The following UPRT variants were observed in gnomAD, a reference collection of about 807,000 sequenced individuals.
UPRT encodes the protein uracil phosphoribosyltransferase homolog.
In UPRT, 5 loss-of-function variants were observed where a neutral mutation model predicts 22.6. That is an observed-to-expected ratio of 0.22 (90% CI 0.12 to 0.47). UPRT has a LOEUF of 0.47. Among genes scored for constraint, UPRT ranks in the 20% least tolerant of loss-of-function variants. UPRT has a pLI of 0.99. For missense variants in UPRT, 181 were observed against 239.9 expected (o/e 0.75, Z 1.62); for synonymous variants, 77 against 87.7 (o/e 0.88, Z 0.68).
upstream of UPRT, among the ~76,000 whole-genome samples, chrX:75,272,271 G>T (rs1355113610): frequency 1.1e-5 from 1 of 87,645 alleles, no homozygotes; most frequent in Non-Finnish European, 2.2e-5. Context: ...GAAGCTGTGA[G>T]ATATATATAT....
At chrX:75,196,108 TACC>T (rs1395258249) in intron 4 of UPRT, among the ~76,000 whole-genome samples, 1 of 112,410 alleles carries the variant, frequency 8.9e-6, no homozygotes. Context: ...TGTAGAATAT[TACC>T]AGCTTAACAA....
In UPRT at chrX:75,160,721, G is replaced by A. The variant is rs989801410; in HGVS notation, c.-615+50G>A. Among the ~76,000 whole-genome samples the A allele has an allele frequency of 3.6e-5, 4 of 111,031 alleles. No individual in the cohort carries two copies. In the Admixed American group the frequency reaches 3.9e-4, roughly 11 times the overall value. On this transcript the variant is annotated intron_variant, in intron 2 of 13. Transcript: ENST00000652605. ...TATTTAAAAAATTTTTTAAAGATGG[G>A]GTTCGCTATGTTGCCCAGGCTGGTC...
intron 4 of UPRT, among the ~76,000 whole-genome samples, chrX:75,253,010 G>T (rs1332195060): frequency 9.0e-6 from 1 of 110,763 alleles, no homozygotes; most frequent in African/African-American, 3.3e-5. Flanking sequence ...CATGGACACA[G>T]GTAGGGGAAC....
intron 4 of UPRT, among the ~76,000 whole-genome samples, chrX:75,206,446 T>C (rs1439085203): frequency 9.0e-6 from 1 of 110,508 alleles, no homozygotes; most frequent in Non-Finnish European, 1.9e-5. Context: ...TTGGCAGCCA[T>C]GGTGGGAGAA....
intron 1 of UPRT, among the ~76,000 whole-genome samples, chrX:75,276,846 C>A (rs924645701): frequency 9.0e-6 from 1 of 111,532 alleles, no homozygotes; most frequent in Admixed American, 9.5e-5. Context: ...TGTCATCACC[C>A]CAGCAAGAAA....
At chrX:75,187,752 T>G (rs1030000961) in intron 4 of UPRT, among the ~76,000 whole-genome samples, 4 of 111,750 alleles carry the variant, frequency 3.6e-5, no homozygotes, top group Non-Finnish European at 7.5e-5. Context: ...AAACTTCCCT[T>G]CTTGCTTCAT....
In UPRT at chrX:75,177,140, C is replaced by T. The variant is rs369509329; in HGVS notation, c.-447+9261C>T. On this transcript the variant is annotated intron_variant, in intron 4 of 13. Transcript: ENST00000652605. ...TGGACCCTGCTGATCAGAATAGTTGCGCTCACCGACACAGCAGCAGAAACA... is the reference window on the plus strand; with the variant it reads ...TGGACCCTGCTGATCAGAATAGTTGTGCTCACCGACACAGCAGCAGAAACA... Among the ~76,000 whole-genome samples, 326 of 110,712 alleles carry T rather than the reference C, an allele frequency of 2.9e-3. 1 individual carries two copies. Among genetic ancestry groups the T allele is most frequent in the African/African-American group, 0.01 (309 of 30,331 alleles).
At chrX:75,257,581 C>G (rs1431315903) in intron 4 of UPRT, among the ~76,000 whole-genome samples, 6 of 111,680 alleles carry the variant, frequency 5.4e-5, no homozygotes, top group Admixed American at 1.9e-4. Context: ...GTTAAACTGT[C>G]ACTGTTGATG....
intron 4 of UPRT, among the ~76,000 whole-genome samples, chrX:75,185,540 T>C (rs2082286978): frequency 8.9e-6 from 1 of 112,260 alleles, no homozygotes; most frequent in Admixed American, 9.4e-5. Flanking sequence ...CCTCATAAAA[T>C]GAGTTAGGGA....
intron 4 of UPRT, among the ~76,000 whole-genome samples, chrX:75,265,973 A>G (rs1242881143): frequency 3.6e-5 from 4 of 111,509 alleles, no homozygotes; most frequent in Non-Finnish European, 7.5e-5. Flanking sequence ...TTCCATGCTC[A>G]TGGGTAGGAA....
chrX:75,179,501 C>T (rs946427594), intron 4 of UPRT, among the ~76,000 whole-genome samples: 70 of 113,561 alleles, frequency 6.2e-4, no homozygotes, highest in Admixed American at 9.2e-4. Context: ...GCCAGTCTCG[C>T]GCCATGCGCT....
intron 4 of UPRT, among the ~76,000 whole-genome samples, chrX:75,240,154 A>G (rs1434155618): frequency 1.8e-5 from 2 of 111,126 alleles, no homozygotes; most frequent in Non-Finnish European, 3.8e-5. Flanking sequence ...AGAAAATCAA[A>G]CTATTGCTGT....
intron 4 of UPRT, among the ~76,000 whole-genome samples, chrX:75,179,372 C>T (rs1242105602): frequency 8.9e-6 from 1 of 112,844 alleles, no homozygotes; most frequent in Non-Finnish European, 1.9e-5. Context: ...ACACAGGGTG[C>T]TGATTGGTGT....
chrX:75,272,574 G>T (rs1432922656), upstream of UPRT, among the ~76,000 whole-genome samples: 2 of 107,080 alleles, frequency 1.9e-5, no homozygotes, highest in African/African-American at 6.8e-5. Context: ...GAACTTTGGG[G>T]TCTTGGAGGA....
At chrX:75,209,263 G>A (rs2082374179) in intron 4 of UPRT, among the ~76,000 whole-genome samples, 1 of 111,864 alleles carries the variant, frequency 8.9e-6, no homozygotes, top group South Asian at 3.8e-4. Context: ...GGGTTCCGAG[G>A]TGGTAGTGGT....
chrX:75,219,237 C>A (rs1214981513), intron 4 of UPRT, among the ~76,000 whole-genome samples: 1 of 111,451 alleles, frequency 9.0e-6, no homozygotes, highest in Non-Finnish European at 1.9e-5. Flanking sequence ...GTAAGTAGTC[C>A]ATAAGGATCT....
At chrX:75,244,565 C>T (rs766149799) in intron 4 of UPRT, among the ~76,000 whole-genome samples, 3 of 111,266 alleles carry the variant, frequency 2.7e-5, no homozygotes, top group Non-Finnish European at 5.7e-5. Flanking sequence ...AAAGTATCAC[C>T]AGTGGAACAG....
At chrX:75,203,520 A>T (rs923014210) in intron 4 of UPRT, among the ~76,000 whole-genome samples, 216 of 108,486 alleles carry the variant, frequency 2.0e-3, no homozygotes, top group African/African-American at 7.0e-3. Flanking sequence ...ACACACTCAC[A>T]CACACACACA....
chrX:75,300,824 A>G (rs1316422516), intron 5 of UPRT, 43 bp from the exon 6 acceptor site: 1 of 1,033,982 alleles, frequency 9.7e-7, no homozygotes, highest in Non-Finnish European at 1.3e-6. Flanking sequence ...TTTAAAAATG[A>G]ATGTTAAGGT....
Sources: gnomAD v4.1 joint callset for allele counts (sites outside exome capture counted in the v4.1 genomes callset) on GRCh38, gnomAD v4.1.1 for gene constraint, MANE v1.5 for transcripts, NCBI Gene and HGNC (gene_info 2026-07-23, HGNC 2026-07-21) for gene names.